Variants in PDE10A observed in about 807,000 individuals in gnomAD.
The protein encoded by PDE10A is cAMP and cAMP-inhibited cGMP 3',5'-cyclic phosphodiesterase 10A.
PDE10A carries 39 observed loss-of-function variants against 97.7 expected under a neutral mutation model. That is an observed-to-expected ratio of 0.40 (90% CI 0.31 to 0.52). PDE10A has a LOEUF of 0.52. PDE10A is among the 20% of genes least tolerant of loss of function. The pLI, the probability that PDE10A is intolerant of heterozygous loss-of-function variation, is 0.56. For synonymous variants in PDE10A, 371 were observed against 376.8 expected, an observed-to-expected ratio of 0.98 and a Z score of 0.18; for missense variants, 731 against 1,047.8, an observed-to-expected ratio of 0.70 and a Z score of 4.17.
intron 1 of PDE10A, among the ~76,000 whole-genome samples, chr6:165,898,838 C>T (rs2128483821): frequency 6.6e-6 from 1 of 152,316 alleles, no homozygotes; most frequent in South Asian, 2.1e-4. Context: ...CTGCCTTCCT[C>T]ACTCGGCCAA....
intron 1 of PDE10A, among the ~76,000 whole-genome samples, chr6:165,784,356 T>C (rs1778437045): frequency 6.6e-6 from 1 of 152,214 alleles, no homozygotes; most frequent in African/African-American, 2.4e-5. Context: ...GGTATTTACC[T>C]GGTCCTTTCC....
intron 3 of PDE10A, among the ~76,000 whole-genome samples, chr6:165,457,987 GA>G (rs1184832368): frequency 6.6e-6 from 1 of 152,134 alleles, no homozygotes; most frequent in East Asian, 1.9e-4. Context: ...AACATATCCA[GA>G]AGGCCAACAA....
intron 2 of PDE10A, among the ~76,000 whole-genome samples, chr6:165,505,609 G>A (rs1052467676): frequency 1.3e-5 from 2 of 152,154 alleles, no homozygotes; most frequent in Admixed American, 6.5e-5. Context: ...AAGTTAATCG[G>A]TTGGTGGTCT....
At chr6:165,978,245 A>C (rs753004022) in intron 1 of PDE10A, among the ~76,000 whole-genome samples, 27 of 152,256 alleles carry the variant, frequency 1.8e-4, no homozygotes, top group Non-Finnish European at 2.8e-4. Context: ...CACCTCAATG[A>C]AAAAGAAAAA....
chr6:165,820,630 G>A (rs888291122), intron 1 of PDE10A, among the ~76,000 whole-genome samples: 7 of 152,162 alleles, frequency 4.6e-5, no homozygotes, highest in Non-Finnish European at 7.3e-5. Flanking sequence ...AGGCAGGCAG[G>A]GCTTCCCAAA....
intron 1 of PDE10A, among the ~76,000 whole-genome samples, chr6:165,732,809 C>G (rs1177096966): frequency 6.6e-6 from 1 of 152,208 alleles, no homozygotes; most frequent in African/African-American, 2.4e-5. Flanking sequence ...TCCAGCTCTT[C>G]CCCGTTAGGA....
intron 3 of PDE10A, among the ~76,000 whole-genome samples, chr6:165,466,047 C>T (rs1048387870): frequency 8.5e-5 from 13 of 152,062 alleles, no homozygotes; most frequent in East Asian, 3.9e-4. Flanking sequence ...GAATTCATGT[C>T]GAAGTAGAAA....
At chr6:165,416,640 A>G (rs772590857) in intron 11 of PDE10A, among the ~76,000 whole-genome samples, 1 of 152,168 alleles carries the variant, frequency 6.6e-6, no homozygotes, top group Non-Finnish European at 1.5e-5. Context: ...GGTGTGAACG[A>G]AGGCCTATAT....
At chr6:165,449,800 G>A (rs1397987849) in intron 4 of PDE10A, among the ~76,000 whole-genome samples, 1 of 152,028 alleles carries the variant, frequency 6.6e-6, no homozygotes, top group Non-Finnish European at 1.5e-5. Flanking sequence ...AAAAACAAGT[G>A]TATCCTTCTA....
chr6:165,349,129 A>C (rs1199197434), intron 18 of PDE10A, among the ~76,000 whole-genome samples: 3 of 152,220 alleles, frequency 2.0e-5, no homozygotes, highest in Non-Finnish European at 2.9e-5. Flanking sequence ...TAACAGGCAG[A>C]CGTAAGAAGA....
At chr6:165,975,634 T>G (rs1784824748) in intron 1 of PDE10A, among the ~76,000 whole-genome samples, 1 of 152,130 alleles carries the variant, frequency 6.6e-6, no homozygotes, top group South Asian at 2.1e-4. Context: ...GTAAGCAAAA[T>G]AAGAAATTAT....
At chr6:165,348,692 A>G (rs1406709731) in intron 18 of PDE10A, among the ~76,000 whole-genome samples, 6 of 152,078 alleles carry the variant, frequency 3.9e-5, no homozygotes, top group Admixed American at 3.9e-4. Context: ...GTTGTCCCCC[A>G]CCCAAATCTC....
intron 1 of PDE10A, among the ~76,000 whole-genome samples, chr6:165,772,679 C>G (rs1042771913): frequency 1.3e-5 from 2 of 152,112 alleles, no homozygotes; most frequent in African/African-American, 2.4e-5. Flanking sequence ...ACTTTATTTT[C>G]CAAATAAATC....
chr6:165,883,627 T>C (rs1179716782), intron 1 of PDE10A, among the ~76,000 whole-genome samples: 6 of 151,878 alleles, frequency 4.0e-5, no homozygotes, highest in African/African-American at 1.5e-4. Flanking sequence ...AAACCTTATG[T>C]GCATTCAGGC....
Position 165,683,096 on chromosome 6 carries a change from A to G in PDE10A, c.-614-139528T>C, listed in dbSNP as rs559570676. Among the ~76,000 whole-genome samples, 8 of 152,360 alleles carry G rather than the reference A, an allele frequency of 5.3e-5. No individual in the cohort carries two copies. In the South Asian group the frequency reaches 1.4e-3, roughly 28 times the overall value. On this transcript the variant is annotated intron_variant, in intron 1 of 19. Coordinates refer to the PDE10A transcript ENST00000366882. ...TCCTAGCACATGGTGCGTACTCACAAAATTATTTGTTGAATGAATGAACAG... is the reference window on the plus strand; with the variant it reads ...TCCTAGCACATGGTGCGTACTCACAGAATTATTTGTTGAATGAATGAACAG...
chr6:165,344,841 T>C (rs1373850148), intron 18 of PDE10A, among the ~76,000 whole-genome samples: 1 of 152,170 alleles, frequency 6.6e-6, no homozygotes, highest in Non-Finnish European at 1.5e-5. Flanking sequence ...TAAATCACTT[T>C]ACAAACATTG....
intron 1 of PDE10A, chr6:165,718,405 C>T (rs1351953860): frequency 6.6e-6 from 1 of 152,204 alleles, no homozygotes; most frequent in African/African-American, 2.4e-5. Flanking sequence ...TTATAACACA[C>T]TGTCCCAAAT....
chr6:165,912,795 GGTCACAGGAAGCGAACCCTCTAT>G (rs1782498675), intron 1 of PDE10A, among the ~76,000 whole-genome samples: 1 of 152,098 alleles, frequency 6.6e-6, no homozygotes, highest in African/African-American at 2.4e-5. Context: ...GTGACCAGAG[GGTCACAGGAAGCGAACCCTCTAT>G]GTCCAGTATA....
At chr6:165,831,986 A>T (rs891019514) in intron 1 of PDE10A, among the ~76,000 whole-genome samples, 3 of 152,154 alleles carry the variant, frequency 2.0e-5, no homozygotes, top group Non-Finnish European at 2.9e-5. Context: ...AAACAAAAAA[A>T]CCACAGAAAC....
Sources: gnomAD v4.1 joint callset for allele counts (sites outside exome capture counted in the v4.1 genomes callset) on GRCh38, gnomAD v4.1.1 for gene constraint, MANE v1.5 for transcripts, NCBI Gene and HGNC (gene_info 2026-07-23, HGNC 2026-07-21) for gene names.